Variants in PTPN9 observed in about 807,000 individuals in gnomAD.
PTPN9 encodes tyrosine-protein phosphatase non-receptor type 9.
In PTPN9, 26 loss-of-function variants were observed where a neutral mutation model predicts 69.8. That is an observed-to-expected ratio of 0.37 (90% CI 0.27 to 0.52). The LOEUF is 0.52. PTPN9 is among the 20% of genes least tolerant of loss of function. The pLI, the probability that PTPN9 is intolerant of heterozygous loss-of-function variation, is 0.91. For missense variants in PTPN9, 549 were observed against 740.3 expected (o/e 0.74, Z 3.00); for synonymous variants, 274 against 272.5 (o/e 1.01, Z -0.05).
intron 1 of PTPN9, among the ~76,000 whole-genome samples, chr15:75,545,512 C>T (rs748034240): frequency 2.0e-5 from 3 of 152,078 alleles, no homozygotes; most frequent in Non-Finnish European, 4.4e-5. Flanking sequence ...AGGAAAATAA[C>T]ATGAGAAGAA....
rs1249350586 is a variant in PTPN9, at chr15:75,558,629, C to T, written c.63+20085G>A. 4.6e-5 allele frequency among the ~76,000 whole-genome samples: 7 copies of T among 152,316 alleles called. No homozygotes were observed. In the East Asian group the frequency reaches 1.4e-3, roughly 29 times the overall value. Reference sequence around the variant, plus strand: ...ATCTCTGCTCACTGCAACCTCCCTGCCTGATTCTCCTGCCTCAGCCTGCCG... The same window carrying T: ...ATCTCTGCTCACTGCAACCTCCCTGTCTGATTCTCCTGCCTCAGCCTGCCG... On this transcript the variant is annotated intron_variant, in intron 1 of 12. Transcript: ENST00000618819.
intron 5 of PTPN9, among the ~76,000 whole-genome samples, chr15:75,515,179 G>T (rs949329115): frequency 1.3e-5 from 2 of 152,044 alleles, no homozygotes; most frequent in African/African-American, 4.8e-5. Context: ...TGTAATCCCA[G>T]CACTTTGGGA....
chr15:75,484,131 A>G (rs2074660042), intron 8 of PTPN9, among the ~76,000 whole-genome samples: 1 of 152,178 alleles, frequency 6.6e-6, no homozygotes. Context: ...TCTCCTAATG[A>G]CGGTCTCAAG....
At chr15:75,568,216 G>A (rs184380659) in intron 1 of PTPN9, among the ~76,000 whole-genome samples, 1 of 152,122 alleles carries the variant, frequency 6.6e-6, no homozygotes, top group East Asian at 1.9e-4. Flanking sequence ...ATGCCAGCCA[G>A]GTGCAGTGGC....
At chr15:75,573,207 C>T (rs2075156872) in intron 1 of PTPN9, among the ~76,000 whole-genome samples, 1 of 152,162 alleles carries the variant, frequency 6.6e-6, no homozygotes, top group Non-Finnish European at 1.5e-5. Context: ...TTCCTTCTCT[C>T]AGTCTGAGTT....
intron 7 of PTPN9, among the ~76,000 whole-genome samples, chr15:75,503,575 C>T (rs1468297110): frequency 3.8e-5 from 4 of 104,494 alleles, no homozygotes; most frequent in Non-Finnish European, 6.1e-5. Flanking sequence ...CGGCCAGCCG[C>T]TCCGTCCGGG....
At chr15:75,549,480 G>A (rs1024524844) in intron 1 of PTPN9, among the ~76,000 whole-genome samples, 2 of 152,160 alleles carry the variant, frequency 1.3e-5, no homozygotes, top group Non-Finnish European at 2.9e-5. Context: ...GGGATTACAG[G>A]TGTAAGCCAC....
At chr15:75,565,438 A>G (rs2075122697) in intron 1 of PTPN9, among the ~76,000 whole-genome samples, 1 of 152,156 alleles carries the variant, frequency 6.6e-6, no homozygotes, top group African/African-American at 2.4e-5. Flanking sequence ...CTCTGGCACT[A>G]CTGACATTTT....
chr15:75,465,620 A>G lies in PTPN9; in HGVS notation c.*3149T>C, dbSNP rs2074533753. ...AAATTTAGGAGACATCAATTTGTTA[A>G]CTCTCTATAGGGTCAGAAACATGAA... is the stretch of plus-strand genomic sequence containing the variant. On this transcript the variant is annotated 3_prime_UTR_variant, in exon 13 of 13. Coordinates refer to ENST00000618819, the MANE Select transcript of PTPN9 (RefSeq NM_002833.4). 6.6e-6 allele frequency: 1 copy of G among 152,054 alleles called. No individual in the cohort carries two copies. The allele number at this position is 152,054 out of a possible 1,614,324, so 9.4% of individuals were successfully genotyped here. A position where few individuals can be genotyped will look rare whatever the true frequency, so the allele number is the denominator to read the frequency against.
chr15:75,503,842 C>A lies in PTPN9; in HGVS notation c.968+1833G>T, dbSNP rs535926596. 2.9e-3 allele frequency among the ~76,000 whole-genome samples: 365 copies of A among 127,986 alleles called. 2 individuals carry two copies. The highest frequency in any genetic ancestry group is 4.0e-3 in the Non-Finnish European group (236 of 58,860). The allele number at this position is 127,986 out of a possible 152,430, so 84.0% of individuals were successfully genotyped here. ...CCCCCGCCCGGCCAGCCGCCCCGTC[C>A]GGGAGGGAGGTGAGGGGGGGTCAGC... On this transcript the variant is annotated intron_variant, in intron 7 of 12. Coordinates refer to ENST00000618819, the MANE Select transcript of PTPN9 (RefSeq NM_002833.4).
At chr15:75,481,260 A>G (rs2074632226) in intron 8 of PTPN9, among the ~76,000 whole-genome samples, 1 of 88,098 alleles carries the variant, frequency 1.1e-5, no homozygotes, top group African/African-American at 4.4e-5. Context: ...AGAAGTGAGG[A>G]GCCTCTCCGC....
intron 4 of PTPN9, among the ~76,000 whole-genome samples, chr15:75,522,878 T>C (rs943729208): frequency 8.5e-5 from 13 of 152,228 alleles, no homozygotes; most frequent in African/African-American, 1.2e-4. Flanking sequence ...AGATTGCCGA[T>C]AATTGACTTT....
rs140000948 is a variant in PTPN9 at position 75,509,009 on chromosome 15, A to C, written c.547T>G (p.Leu183Val). The change falls in exon 6 of 13, where the codon TTG (leucine) becomes GTG (valine). Residue 183 changes from leucine to valine, a missense_variant. This residue lies in a region of PTPN9 where 457 missense variants were observed against 661.9 expected (regional missense o/e 0.69). Transcript: ENST00000618819. ...GCCCCCACAATCAGCACCTTCTTCA[A>C]ACGAGCTGGAAATGCTCCCTGTGGA... Reference protein sequence around the residue: ...NLLKGAFPARLKKVLIVGAPI... With the variant: ...NLLKGAFPARVKKVLIVGAPI... The C allele has an allele frequency of 3.2e-4, 523 of 1,613,888 alleles. No homozygotes were observed. Among genetic ancestry groups the C allele is most frequent in the Non-Finnish European group, 4.2e-4 (497 of 1,179,958 alleles).
intron 1 of PTPN9, among the ~76,000 whole-genome samples, chr15:75,552,576 A>G (rs2141335880): frequency 6.6e-6 from 1 of 152,080 alleles, no homozygotes; most frequent in Non-Finnish European, 1.5e-5. Context: ...GATCTTGCTT[A>G]ATTCTAGGCT....
chr15:75,567,296 G>A (rs1255765963), intron 1 of PTPN9, among the ~76,000 whole-genome samples: 3 of 152,036 alleles, frequency 2.0e-5, no homozygotes, highest in African/African-American at 7.2e-5. Flanking sequence ...GGGATTACAG[G>A]CGTGAGTCAC....
chr15:75,503,150 G>A (rs555836148), intron 7 of PTPN9, among the ~76,000 whole-genome samples: 1 of 150,510 alleles, frequency 6.6e-6, no homozygotes, highest in Non-Finnish European at 1.5e-5. Flanking sequence ...TGGAAAGTGA[G>A]GAGCGTCTCT....
intron 1 of PTPN9, among the ~76,000 whole-genome samples, chr15:75,551,407 G>C (rs1347048853): frequency 6.6e-6 from 1 of 152,048 alleles, no homozygotes; most frequent in African/African-American, 2.4e-5. Context: ...CCATACTGGA[G>C]TGCAGTGCCA....
chr15:75,500,206 A>C (rs1198368757), intron 7 of PTPN9, among the ~76,000 whole-genome samples: 1 of 151,980 alleles, frequency 6.6e-6, no homozygotes, highest in African/African-American at 2.4e-5. Context: ...CCAGCTACTC[A>C]GGAGGCTGAG....
intron 7 of PTPN9, 105 bp downstream of exon 7, chr15:75,505,570 A>G (rs1302565486): frequency 1.3e-6 from 1 of 786,852 alleles, no homozygotes; most frequent in Non-Finnish European, 2.1e-6. Flanking sequence ...TCCCTAACAT[A>G]AGGAAGGGTC....
Sources: gnomAD v4.1 joint callset for allele counts (sites outside exome capture counted in the v4.1 genomes callset) on GRCh38, gnomAD v4.1.1 for gene constraint, gnomAD v4.1.1 regional missense constraint, MANE v1.5 for transcripts, NCBI Gene and HGNC (gene_info 2026-07-23, HGNC 2026-07-21) for gene names.